The following VCL variants were observed in gnomAD, a reference collection of about 807,000 sequenced individuals.
VCL encodes the protein vinculin.
VCL carries 47 observed loss-of-function variants against 125.7 expected under a neutral mutation model. That is an observed-to-expected ratio of 0.37 (90% CI 0.30 to 0.48). VCL has a LOEUF of 0.48. Ranked by LOEUF, VCL falls within the 20% of genes least tolerant of loss-of-function variation. The pLI is 0.99. For missense variants in VCL, 1,069 were observed against 1,455.5 expected (o/e 0.73, Z 4.32); for synonymous variants, 458 against 514.6 (o/e 0.89, Z 1.49).
chr10:74,044,205 CT>C (rs1290513235), intron 2 of VCL, among the ~76,000 whole-genome samples: 2 of 152,094 alleles, frequency 1.3e-5, no homozygotes, highest in Non-Finnish European at 2.9e-5. Context: ...AATTTCCAGG[CT>C]TTTTGGGCTA....
intron 2 of VCL, among the ~76,000 whole-genome samples, chr10:74,051,141 G>A (rs539597015): frequency 8.0e-4 from 122 of 151,844 alleles, no homozygotes; most frequent in Middle Eastern, 3.4e-3. Context: ...GTTACACCAT[G>A]TTGGCCAGGC....
chr10:74,090,025 C>T lies in VCL; in HGVS notation c.1179C>T (p.Asn393=), dbSNP rs1164393969. Residue 393 remains asparagine (N), a splice_region_variant and synonymous_variant, in exon 10 of 22, where the codon AAC becomes AAT. Coordinates refer to ENST00000211998, the MANE Select transcript of VCL (RefSeq NM_014000.3). The stretch of plus-strand genomic sequence containing the variant: ...TGCTTCTCCGTTTCTATGTGTAGAA[C>T]TGGCTTGCAGATCCAAATGGTGGAC... ...SIAKKIDAAQ[N]WLADPNGGPE... 1 of 1,614,150 alleles carries T rather than the reference C, an allele frequency of 6.2e-7. No individual in the cohort carries two copies. The highest frequency in any genetic ancestry group is 2.2e-5 in the East Asian group (1 of 44,880).
At chr10:74,095,621 G>A (rs764565957) in intron 11 of VCL, 35 bp from the exon 12 acceptor site, 1 of 1,612,532 alleles carries the variant, frequency 6.2e-7, no homozygotes, top group South Asian at 1.1e-5. Context: ...TCTCCTCTGG[G>A]TCTTGTAAGT....
intron 8 of VCL, among the ~76,000 whole-genome samples, chr10:74,087,015 T>TA (rs1591699310): frequency 6.6e-6 from 1 of 152,090 alleles, no homozygotes; most frequent in East Asian, 1.9e-4. Flanking sequence ...GGACTCTTTT[T>TA]TAAAAAAAAA....
intron 1 of VCL, among the ~76,000 whole-genome samples, chr10:74,033,794 T>C (rs962469686): frequency 3.3e-5 from 5 of 152,188 alleles, no homozygotes; most frequent in African/African-American, 9.7e-5. Context: ...TGCTAATTAC[T>C]TTCCCTCTCA....
rs142430405 is a variant in VCL at position 74,017,422 on chromosome 10, G to A, written c.168+19047G>A. Among the ~76,000 whole-genome samples the A allele has an allele frequency of 7.2e-5, 11 of 152,192 alleles. No homozygotes were observed. The East Asian group carries it at 1.7e-3, about 24-fold the overall frequency. On this transcript the variant is annotated intron_variant, in intron 1 of 21. Coordinates refer to ENST00000211998, the MANE Select transcript of VCL (RefSeq NM_014000.3). Reference sequence around the variant, plus strand: ...TTGTTTACCCATTCATCCATTGATGGACATTTGGATTGCTTCCACCTTTTG... The same window carrying A: ...TTGTTTACCCATTCATCCATTGATGAACATTTGGATTGCTTCCACCTTTTG...
At position 74,105,229 on chromosome 10, in the gene VCL, G is replaced by A; in HGVS notation, c.2310G>A (p.Glu770=). 3 of 1,614,200 alleles carry A rather than the reference G, an allele frequency of 1.9e-6. No individual in the cohort carries two copies. The highest frequency in any genetic ancestry group is 2.5e-6 in the Non-Finnish European group (3 of 1,180,036). ...GGATCCTGCTGGTGGCTAAGAGGGA[G>A]GTGGAGAATTCCGAGGATCCCAAGT... The part of the protein sequence containing the change: ...ANRILLVAKR[E]VENSEDPKFR... Residue 770 remains glutamate (E), a synonymous_variant, in exon 16 of 22, where the codon GAG becomes GAA. Coordinates refer to ENST00000211998, the MANE Select transcript of VCL (RefSeq NM_014000.3).
Position 74,081,563 on chromosome 10 carries a change from C to T in VCL, c.784-891C>T, listed in dbSNP as rs116538110. Among the ~76,000 whole-genome samples, 1,063 of 152,236 alleles carry T rather than the reference C, an allele frequency of 7.0e-3. 17 individuals are homozygous for T. The highest frequency in any genetic ancestry group is 0.025 in the African/African-American group (1,022 of 41,528). ...TACAGCAAAAAGGAGGATAGATGGT[C>T]TTTGAAGATGCTAAATAGAGACTTA... On this transcript the variant is annotated intron_variant, in intron 6 of 21. Coordinates refer to ENST00000211998, the MANE Select transcript of VCL (RefSeq NM_014000.3).
intron 2 of VCL, among the ~76,000 whole-genome samples, chr10:74,046,448 G>C (rs1437009612): frequency 6.6e-6 from 1 of 152,156 alleles, no homozygotes; most frequent in Non-Finnish European, 1.5e-5. Context: ...TCTCCCTGTT[G>C]CCCAGGCTGG....
At chr10:74,080,161 AAGC>A (rs1463488160) in intron 6 of VCL, among the ~76,000 whole-genome samples, 1 of 152,178 alleles carries the variant, frequency 6.6e-6, no homozygotes, top group East Asian at 1.9e-4. Flanking sequence ...TGGAGAATAA[AAGC>A]AGTCATTTTT....
chr10:74,041,737 CAA>C (rs397969218), intron 1 of VCL, among the ~76,000 whole-genome samples: 8 of 136,804 alleles, frequency 5.8e-5, no homozygotes, highest in Non-Finnish European at 4.7e-5. Context: ...ACTAAAAATC[CAA>C]AAAAAAAAAA....
chr10:74,041,690 G>A (rs1192162333), intron 1 of VCL, among the ~76,000 whole-genome samples: 1 of 150,724 alleles, frequency 6.6e-6, no homozygotes, highest in Non-Finnish European at 1.5e-5. Context: ...TCAGGAGTTC[G>A]AGACCAGCCT....
At chr10:74,090,625 C>T (rs1254563664) in intron 10 of VCL, among the ~76,000 whole-genome samples, 3 of 152,032 alleles carry the variant, frequency 2.0e-5, no homozygotes, top group Admixed American at 2.0e-4. Flanking sequence ...AATGTACTTT[C>T]CTCCTTCCCC....
At chr10:74,078,285 T>C (rs1564525110) in intron 6 of VCL, among the ~76,000 whole-genome samples, 1 of 152,156 alleles carries the variant, frequency 6.6e-6, no homozygotes, top group Admixed American at 6.5e-5. Context: ...TGGGTAAAAG[T>C]AGTAAGTGAC....
intron 1 of VCL, among the ~76,000 whole-genome samples, chr10:74,035,891 A>T (rs1406580394): frequency 6.6e-6 from 1 of 152,232 alleles, no homozygotes; most frequent in African/African-American, 2.4e-5. Flanking sequence ...TAAACAATAC[A>T]GTATAACAAC....
At chr10:74,000,237 G>C (rs908669763) in intron 1 of VCL, among the ~76,000 whole-genome samples, 1 of 151,438 alleles carries the variant, frequency 6.6e-6, no homozygotes, top group East Asian at 1.9e-4. Flanking sequence ...CAGCTCCCAC[G>C]GGTCAAGGCC....
At chr10:74,009,473 A>T (rs1046884638) in intron 1 of VCL, among the ~76,000 whole-genome samples, 1 of 151,290 alleles carries the variant, frequency 6.6e-6, no homozygotes, top group Non-Finnish European at 1.5e-5. Flanking sequence ...GTTAGCCAGG[A>T]TGGTCTCGAT....
At chr10:74,017,046 C>CTTTTTTTTTTT (rs549275362) in intron 1 of VCL, among the ~76,000 whole-genome samples, 2,218 of 112,686 alleles carry the variant, frequency 0.02, 226 homozygotes, top group African/African-American at 0.041. Context: ...AATTTCCTTC[C>CTTTTTTTTTTT]TTTTTTTTTT....
At chr10:74,016,141 T>C (rs1840533297) in intron 1 of VCL, among the ~76,000 whole-genome samples, 1 of 151,954 alleles carries the variant, frequency 6.6e-6, no homozygotes, top group African/African-American at 2.4e-5. Context: ...TAAATGACAG[T>C]CTTTTTCCCT....
Sources: gnomAD v4.1 joint callset for allele counts (sites outside exome capture counted in the v4.1 genomes callset) on GRCh38, gnomAD v4.1.1 for gene constraint, MANE v1.5 for transcripts, NCBI Gene and HGNC (gene_info 2026-07-23, HGNC 2026-07-21) for gene names.